LIMS2: variants seen among roughly 807,000 people sequenced by gnomAD.
LIMS2 encodes LIM zinc finger domain containing 2.
In LIMS2, 30 loss-of-function variants were observed where a neutral mutation model predicts 45.3. The observed-to-expected ratio is 0.66, with a 90% CI of 0.50 to 0.90. The LOEUF (loss-of-function observed/expected upper bound fraction) is 0.90, where lower values mean the gene tolerates loss of function less well. Among genes scored for constraint, LIMS2 ranks in the 40% least tolerant of loss-of-function variants. The pLI is 0.00. For synonymous variants in LIMS2, 173 were observed against 188.0 expected, an observed-to-expected ratio of 0.92 and a Z score of 0.65; for missense variants, 485 against 468.7, an observed-to-expected ratio of 1.03 and a Z score of -0.32.
chr2:127,656,946 A>G (rs1205145938), intron 2 of LIMS2, among the ~76,000 whole-genome samples: 1 of 152,136 alleles, frequency 6.6e-6, no homozygotes, highest in Non-Finnish European at 1.5e-5. Context: ...ACCACAGGGT[A>G]TGTGCATATG....
intron 1 of LIMS2, among the ~76,000 whole-genome samples, chr2:127,681,006 T>G (rs1377415672): frequency 6.6e-6 from 1 of 152,192 alleles, no homozygotes; most frequent in African/African-American, 2.4e-5. Context: ...TCACTTTGCT[T>G]CTTTTTTCCC....
chr2:127,673,098 A>G (rs1480359044), intron 1 of LIMS2, among the ~76,000 whole-genome samples: 3 of 152,182 alleles, frequency 2.0e-5, no homozygotes, highest in African/African-American at 7.2e-5. Flanking sequence ...ATCCCTGTGT[A>G]TGGAAGGCAG....
chr2:127,674,726 C>T, intron 1 of LIMS2: 1 of 985,444 alleles, frequency 1.0e-6, no homozygotes, highest in Non-Finnish European at 1.2e-6. Flanking sequence ...AGACCCCCTC[C>T]CGCAGCCCTG....
At chr2:127,649,182 AGG>A (rs1414056866) in intron 4 of LIMS2, among the ~76,000 whole-genome samples, 14 of 117,660 alleles carry the variant, frequency 1.2e-4, no homozygotes, top group Admixed American at 2.4e-4. Flanking sequence ...GAAGGAAGGA[AGG>A]AAGGAAGGAA....
chr2:127,649,094 AAAAGAAAAGAAAAAAGGAAAAT>A (rs1558878007), intron 4 of LIMS2, among the ~76,000 whole-genome samples: 2 of 144,748 alleles, frequency 1.4e-5, no homozygotes, highest in African/African-American at 5.0e-5. Context: ...AAAAAAAGAA[AAAAGAAAAGAAAAAAGGAAAAT>A]AAAGAAAAGC....
intron 4 of LIMS2, chr2:127,648,259 A>C: frequency 1.1e-6 from 1 of 934,952 alleles, no homozygotes; most frequent in Non-Finnish European, 1.3e-6. Flanking sequence ...ATCTTGAAAC[A>C]CTCTGAAGCC....
At chr2:127,673,657 A>C (rs1372043122) in intron 1 of LIMS2, 1 of 1,550,754 alleles carries the variant, frequency 6.4e-7, no homozygotes, top group Non-Finnish European at 8.7e-7. Context: ...CCTGTGCCTG[A>C]AGGAACCGCC....
chr2:127,661,511 T>C (rs1014959657), intron 1 of LIMS2, among the ~76,000 whole-genome samples: 2 of 152,198 alleles, frequency 1.3e-5, no homozygotes, highest in African/African-American at 2.4e-5. Flanking sequence ...ATGTCCTCCT[T>C]TGCACATTCC....
rs750940675 is a variant in LIMS2 at position 127,640,982 on chromosome 2, CAA to C, written c.665_666del (p.Phe222CysfsTer6). The C allele has an allele frequency of 3.7e-5, 59 of 1,613,626 alleles. No homozygotes were observed. The highest frequency in any genetic ancestry group is 4.7e-5 in the Non-Finnish European group (55 of 1,179,876). On this transcript the variant is annotated frameshift_variant, in exon 7 of 10. Transcript: ENST00000355119. LOFTEE classifies it high-confidence loss of function. ...ALGKQWHVEH[F>X]VCAKCEKPFL... ...AATGGCTTCTCACACTTGGCACAGACAAAGTGCTGCAAGGACAAAGGGCGGGC... is the reference window on the plus strand; with the variant it reads ...AATGGCTTCTCACACTTGGCACAGACAGTGCTGCAAGGACAAAGGGCGGGC...
chr2:127,675,747 C>G (rs974810634), upstream of LIMS2, among the ~76,000 whole-genome samples: 3 of 152,144 alleles, frequency 2.0e-5, no homozygotes, highest in Admixed American at 1.3e-4. Context: ...GAGTTCCCAC[C>G]GCGGATCTGG....
chr2:127,650,872 T>C (rs1391844734), intron 4 of LIMS2: 3 of 1,614,108 alleles, frequency 1.9e-6, no homozygotes, highest in East Asian at 2.2e-5. Flanking sequence ...ATCCTGGCTT[T>C]AGTTGGCAAT....
Position 127,639,172 on chromosome 2 carries a change from G to A in LIMS2, c.*109C>T. The A allele has an allele frequency of 8.7e-7, 1 of 1,143,492 alleles. No individual in the cohort carries two copies. Among genetic ancestry groups the A allele is most frequent in the Non-Finnish European group, 1.3e-6 (1 of 796,094 alleles). 70.8% of individuals were successfully genotyped at this position (1,143,492 alleles called of 1,614,324 possible). ...GGAGAAGGCAATGAGGAAAGAGAAAGGGAGGGTAAGATGCGGAGGGCACAG... is the reference window on the plus strand; with the variant it reads ...GGAGAAGGCAATGAGGAAAGAGAAAAGGAGGGTAAGATGCGGAGGGCACAG... On this transcript the variant is annotated 3_prime_UTR_variant, in exon 10 of 10. Transcript: ENST00000355119.
At position 127,657,321 on chromosome 2, in the gene LIMS2, C is replaced by A. The variant is rs904888797; in HGVS notation, c.171+82G>T. On this transcript the variant is annotated intron_variant, in intron 2 of 9. Coordinates refer to ENST00000355119, the MANE Select transcript of LIMS2 (RefSeq NM_001161403.3). ...GACCTGGCCCTGTCACCAGTCGGGA[C>A]CACTGCATGGAGCCCGGCCCACCCG... 67 of 1,542,472 alleles carry A rather than the reference C, an allele frequency of 4.3e-5. No homozygotes were observed. The Middle Eastern group carries it at 1.4e-3, about 33-fold the overall frequency.
chr2:127,659,629 T>C (rs148793461), intron 1 of LIMS2, among the ~76,000 whole-genome samples: 17 of 152,272 alleles, frequency 1.1e-4, no homozygotes, highest in African/African-American at 4.1e-4. Flanking sequence ...TTGGGAGTCT[T>C]AGAGAAGTCG....
At chr2:127,661,740 C>T (rs1041233311) in intron 1 of LIMS2, among the ~76,000 whole-genome samples, 1 of 152,198 alleles carries the variant, frequency 6.6e-6, no homozygotes, top group Non-Finnish European at 1.5e-5. Context: ...CAATTTGTTG[C>T]AAGATGTCCC....
chr2:127,657,628 G>T, intron 1 of LIMS2, 66 bp from the exon 2 acceptor site: 2 of 1,468,246 alleles, frequency 1.4e-6, no homozygotes, highest in Non-Finnish European at 9.2e-7. Flanking sequence ...CACACGCGGG[G>T]GCCTGCGCCC....
At chr2:127,681,230 A>T (rs557373728) in intron 1 of LIMS2, 1 of 152,416 alleles carries the variant, frequency 6.6e-6, no homozygotes, top group East Asian at 1.9e-4. Flanking sequence ...TAGCACAACC[A>T]CTCAGAGTAC....
intron 1 of LIMS2, among the ~76,000 whole-genome samples, chr2:127,663,072 T>C (rs1684781767): frequency 6.6e-6 from 1 of 152,256 alleles, no homozygotes; most frequent in South Asian, 2.1e-4. Context: ...TGCTCAGGGC[T>C]GCCCCAGGCC....
rs2244754 is a variant in LIMS2, at chr2:127,641,931, G to C, written c.660+118C>G. The stretch of plus-strand genomic sequence containing the variant: ...GGCAGTACCCCTGAGGAAGGGCCTC[G>C]TTGGGAGCCAGCCACCCGCCCTGGG... On this transcript the variant is annotated intron_variant, in intron 6 of 9. Coordinates refer to ENST00000355119, the MANE Select transcript of LIMS2 (RefSeq NM_001161403.3). 13 of 1,246,964 alleles carry C rather than the reference G, an allele frequency of 1.0e-5. No individual in the cohort carries two copies. In the African/African-American group the frequency reaches 1.4e-4, roughly 13 times the overall value. 77.2% of individuals were successfully genotyped at this position (1,246,964 alleles called of 1,614,324 possible).
Sources: allele counts gnomAD v4.1 joint callset (sites outside exome capture counted in the v4.1 genomes callset), GRCh38; gene constraint gnomAD v4.1.1; transcripts MANE v1.5; gene names NCBI Gene and HGNC (gene_info 2026-07-23, HGNC 2026-07-21).